Variants in MTUS2 observed in about 807,000 individuals in gnomAD.
The protein encoded by MTUS2 is microtubule associated scaffold protein 2.
A neutral mutation model predicts 114.1 loss-of-function variants in MTUS2; 40 were observed. The observed-to-expected ratio is 0.35, with a 90% CI of 0.27 to 0.46. The LOEUF (loss-of-function observed/expected upper bound fraction) is 0.46. Among genes scored for constraint, MTUS2 ranks in the 20% least tolerant of loss-of-function variants. The probability of loss-of-function intolerance (pLI) is 1.00; values close to 1 mark genes in which losing one functional copy is unlikely to be tolerated. For missense variants in MTUS2, 1,679 were observed against 1,705.4 expected (o/e 0.98, Z 0.27); for synonymous variants, 688 against 672.0 (o/e 1.02, Z -0.37).
chr13:29,404,284 C>A (rs1451635283), intron 8 of MTUS2, among the ~76,000 whole-genome samples: 1 of 151,198 alleles, frequency 6.6e-6, no homozygotes, highest in African/African-American at 2.4e-5. Context: ...CTGGAGAGGT[C>A]GAGGCTGCAG....
At position 29,100,849 on chromosome 13, in the gene MTUS2, C is replaced by T. The variant is rs760683730; in HGVS notation, c.2523C>T (p.Tyr841=). 27 of 1,552,442 alleles carry T rather than the reference C, an allele frequency of 1.7e-5. No individual in the cohort carries two copies. The South Asian group carries it at 3.2e-4, about 18-fold the overall frequency. Residue 841 remains tyrosine, a synonymous_variant, in exon 5 of 16, where the codon TAC becomes TAT. Coordinates refer to ENST00000612955, the MANE Select transcript of MTUS2 (RefSeq NM_001033602.4). ...LPKSGLRPPG[Y]SRLPAAKLAA... ...AATCTGGTCTCCGTCCTCCCGGATA[C>T]TCACGTCTCCCGGCAGCCAAACTGG...
At chr13:28,901,488 A>G (rs867325485) in intron 2 of MTUS2, among the ~76,000 whole-genome samples, 1 of 152,186 alleles carries the variant, frequency 6.6e-6, no homozygotes. Flanking sequence ...TAAAATTTTC[A>G]GGTCTCACAT....
intron 4 of MTUS2, among the ~76,000 whole-genome samples, chr13:29,086,373 A>G (rs564002781): frequency 1.3e-5 from 2 of 152,192 alleles, no homozygotes; most frequent in East Asian, 3.9e-4. Flanking sequence ...CCAGAATGGT[A>G]TTTCCTAGGA....
At chr13:29,210,773 T>C (rs544215884) in intron 5 of MTUS2, among the ~76,000 whole-genome samples, 223 of 152,308 alleles carry the variant, frequency 1.5e-3, no homozygotes, top group Non-Finnish European at 2.6e-3. Context: ...TCCTCTGATG[T>C]CATCTGTCTT....
At chr13:29,215,208 T>C (rs1895626996) in intron 5 of MTUS2, among the ~76,000 whole-genome samples, 1 of 151,976 alleles carries the variant, frequency 6.6e-6, no homozygotes, top group Non-Finnish European at 1.5e-5. Flanking sequence ...TTTTCAGCTC[T>C]ATCAAGTCAT....
intron 7 of MTUS2, among the ~76,000 whole-genome samples, chr13:29,355,456 C>T (rs751543080): frequency 3.3e-5 from 5 of 152,198 alleles, no homozygotes; most frequent in Non-Finnish European, 2.9e-5. Flanking sequence ...CCCAAACCAG[C>T]GAGATCTGTT....
chr13:29,215,941 G>T (rs1411653861), intron 5 of MTUS2, among the ~76,000 whole-genome samples: 3 of 152,214 alleles, frequency 2.0e-5, no homozygotes, highest in Admixed American at 1.3e-4. Flanking sequence ...AGAGCTGGCA[G>T]GCAGGAACGT....
chr13:29,038,740 C>T (rs1887198311), intron 4 of MTUS2, among the ~76,000 whole-genome samples: 2 of 152,234 alleles, frequency 1.3e-5, no homozygotes, highest in Non-Finnish European at 2.9e-5. Context: ...GATGCCCTGC[C>T]CAGACGGGAG....
At chr13:29,376,466 A>C (rs1416442349) in intron 8 of MTUS2, among the ~76,000 whole-genome samples, 2 of 152,216 alleles carry the variant, frequency 1.3e-5, no homozygotes, top group African/African-American at 4.8e-5. Flanking sequence ...AAAATGTGCA[A>C]ATAACCCAAA....
intron 5 of MTUS2, among the ~76,000 whole-genome samples, chr13:29,146,646 A>T (rs935199737): frequency 4.6e-5 from 7 of 152,196 alleles, no homozygotes; most frequent in Non-Finnish European, 7.3e-5. Flanking sequence ...AAGATAAATA[A>T]ATTATCCAAC....
At chr13:29,151,090 C>T (rs1892647463) in intron 5 of MTUS2, among the ~76,000 whole-genome samples, 1 of 151,934 alleles carries the variant, frequency 6.6e-6, no homozygotes. Context: ...ATTATATTGG[C>T]AGTTTGATAA....
chr13:29,177,366 A>G (rs1893816073), intron 5 of MTUS2, among the ~76,000 whole-genome samples: 1 of 150,874 alleles, frequency 6.6e-6, no homozygotes, highest in Admixed American at 6.6e-5. Flanking sequence ...AATACTGAAA[A>G]GAAGCTACTG....
chr13:29,255,096 A>G (rs942381399), intron 5 of MTUS2, among the ~76,000 whole-genome samples: 7 of 152,184 alleles, frequency 4.6e-5, no homozygotes, highest in South Asian at 2.1e-4. Flanking sequence ...GCACACATGC[A>G]TCGGCAGTAA....
At chr13:29,023,788 GTCT>G (rs1886391405) in intron 2 of MTUS2, among the ~76,000 whole-genome samples, 1 of 151,842 alleles carries the variant, frequency 6.6e-6, no homozygotes, top group South Asian at 2.1e-4. Flanking sequence ...CCAGATTATT[GTCT>G]CATGGTTAAA....
chr13:28,835,546 G>A (rs540839150), intron 1 of MTUS2, among the ~76,000 whole-genome samples: 2 of 152,260 alleles, frequency 1.3e-5, no homozygotes, highest in Admixed American at 6.5e-5. Flanking sequence ...TCTTTGGGGG[G>A]TGATGAAAAT....
chr13:28,960,439 A>G (rs949385407), intron 2 of MTUS2, among the ~76,000 whole-genome samples: 1 of 150,614 alleles, frequency 6.6e-6, no homozygotes, highest in South Asian at 2.1e-4. Context: ...AGATGTTCAT[A>G]GTATTGTTCA....
At chr13:29,296,742 C>G (rs546172303) in intron 6 of MTUS2, among the ~76,000 whole-genome samples, 1 of 152,064 alleles carries the variant, frequency 6.6e-6, no homozygotes, top group Non-Finnish European at 1.5e-5. Context: ...ATTTGTATAT[C>G]TTTTCTGAGG....
rs536900243 is a variant in MTUS2 at position 29,207,751 on chromosome 13, C to T, written c.2645-73953C>T. 2.0e-5 allele frequency among the ~76,000 whole-genome samples: 3 copies of T among 152,244 alleles called. No individual in the cohort carries two copies. In the South Asian group the frequency reaches 6.2e-4, roughly 32 times the overall value. ...TATTGACTTGCGTATATTAAACCAT[C>T]CCTGCATCCCTAGTATGAATCCCAC... is the stretch of plus-strand genomic sequence containing the variant. On this transcript the variant is annotated intron_variant, in intron 5 of 15. Transcript: ENST00000612955.
intron 4 of MTUS2, among the ~76,000 whole-genome samples, chr13:29,047,689 G>A (rs1300242302): frequency 1.3e-5 from 2 of 151,798 alleles, no homozygotes; most frequent in Admixed American, 6.6e-5. Flanking sequence ...AATTTTTTGT[G>A]TTTTTAGTAG....
Sources: allele counts gnomAD v4.1 joint callset (sites outside exome capture counted in the v4.1 genomes callset), GRCh38; gene constraint gnomAD v4.1.1; transcripts MANE v1.5; gene names NCBI Gene and HGNC (gene_info 2026-07-23, HGNC 2026-07-21).